The following FAM114A1 variants were observed in gnomAD, a reference collection of about 807,000 sequenced individuals.
FAM114A1 encodes family with sequence similarity 114 member A1.
FAM114A1 carries 62 observed loss-of-function variants against 64.3 expected under a neutral mutation model. The ratio of observed to expected loss-of-function variants is 0.96; its 90% confidence interval spans 0.79 to 1.19. FAM114A1 has a LOEUF of 1.19. FAM114A1 is among the 50% of genes most tolerant of loss of function. The pLI is 0.00. For synonymous variants in FAM114A1, 254 were observed against 251.1 expected (o/e 1.01, Z -0.11); for missense variants, 645 against 676.3 (o/e 0.95, Z 0.51).
chr4:38,932,875 GAC>G (rs1720774772), intron 12 of FAM114A1, among the ~76,000 whole-genome samples: 1 of 138,730 alleles, frequency 7.2e-6, no homozygotes, highest in East Asian at 2.1e-4. Flanking sequence ...TTTTTTTTGA[GAC>G]AGAGTCTCGC....
intron 14 of FAM114A1, among the ~76,000 whole-genome samples, chr4:38,942,995 C>G (rs1236106913): frequency 6.6e-6 from 1 of 152,066 alleles, no homozygotes; most frequent in East Asian, 1.9e-4. Flanking sequence ...AGATCAAGAC[C>G]ATCCTGGCCA....
chr4:38,914,844 A>T (rs4563504), intron 7 of FAM114A1, 77 bp from the exon 8 acceptor site: 1 of 1,500,456 alleles, frequency 6.7e-7, no homozygotes, highest in Admixed American at 2.1e-5. Flanking sequence ...CAGTCCTCCC[A>T]ACCTCCCCCA....
intron 6 of FAM114A1, 72 bp downstream of exon 6, chr4:38,905,933 G>A: frequency 7.4e-7 from 1 of 1,353,292 alleles, no homozygotes; most frequent in Non-Finnish European, 1.0e-6. Context: ...CCATTTACCA[G>A]TGACCTAGAT....
In FAM114A1 at chr4:38,922,809, G is replaced by T. The variant is rs367852842; in HGVS notation, c.985G>T (p.Glu329Ter). ...FLASLDGEKL[E>*]LLKNDLISIK... ...AGCATCACTTGATGGAGAGAAGCTG[G>T]AACTCTTAAAAAATGACCTAATTTC... Residue 329 changes from glutamate to a stop codon, truncating the protein, a stop_gained, in exon 9 of 15, where the codon GAA (glutamate) becomes TAA (stop). Transcript: ENST00000358869. LOFTEE classifies it high-confidence loss of function. 30 of 1,613,316 alleles carry T rather than the reference G, an allele frequency of 1.9e-5. No individual in the cohort carries two copies. Among genetic ancestry groups the T allele is most frequent in the Non-Finnish European group, 2.1e-5 (25 of 1,179,782 alleles).
chr4:38,902,716 A>G (rs1717629110), intron 4 of FAM114A1, among the ~76,000 whole-genome samples: 1 of 152,174 alleles, frequency 6.6e-6, no homozygotes, highest in Non-Finnish European at 1.5e-5. Flanking sequence ...TTTTGGGGAT[A>G]CTTGGGGTTT....
chr4:38,878,977 C>T (rs112379254), intron 3 of FAM114A1, among the ~76,000 whole-genome samples: 345 of 152,328 alleles, frequency 2.3e-3, no homozygotes, highest in African/African-American at 7.7e-3. Flanking sequence ...CACACATCAC[C>T]TTCCAGGGGA....
At chr4:38,902,316 G>A (rs1717592950) in intron 4 of FAM114A1, among the ~76,000 whole-genome samples, 1 of 152,158 alleles carries the variant, frequency 6.6e-6, no homozygotes, top group Non-Finnish European at 1.5e-5. Flanking sequence ...CATAGTAAGT[G>A]CTCAATAAAT....
At chr4:38,916,866 G>A (rs1719096806) in intron 8 of FAM114A1, among the ~76,000 whole-genome samples, 1 of 152,078 alleles carries the variant, frequency 6.6e-6, no homozygotes, top group Non-Finnish European at 1.5e-5. Flanking sequence ...CATAGGGGAG[G>A]TTGTCCTCCC....
At chr4:38,879,874 G>A (rs747402368) in intron 3 of FAM114A1, among the ~76,000 whole-genome samples, 1 of 151,958 alleles carries the variant, frequency 6.6e-6, no homozygotes, top group Non-Finnish European at 1.5e-5. Context: ...ATGTATTGAA[G>A]CCTGGGCAAT....
chr4:38,908,400 A>T (rs931628490), intron 6 of FAM114A1, among the ~76,000 whole-genome samples, 192 bp from the exon 7 acceptor site: 1 of 152,212 alleles, frequency 6.6e-6, no homozygotes, highest in Non-Finnish European at 1.5e-5. Flanking sequence ...ATGTCCTACA[A>T]ATTATATAAC....
chr4:38,911,809 CTCTT>C (rs1277874343), intron 7 of FAM114A1, among the ~76,000 whole-genome samples: 6 of 149,166 alleles, frequency 4.0e-5, no homozygotes, highest in Admixed American at 3.3e-4. Context: ...ACAGGGAATA[CTCTT>C]TCTTTTTCTT....
At chr4:38,926,838 C>A (rs1720153098) in intron 9 of FAM114A1, among the ~76,000 whole-genome samples, 1 of 152,206 alleles carries the variant, frequency 6.6e-6, no homozygotes, top group Non-Finnish European at 1.5e-5. Flanking sequence ...TTAATGCATT[C>A]TCTTTCTTGA....
At chr4:38,903,450 G>A (rs1290830512) in intron 4 of FAM114A1, among the ~76,000 whole-genome samples, 1 of 152,132 alleles carries the variant, frequency 6.6e-6, no homozygotes, top group African/African-American at 2.4e-5. Flanking sequence ...CAGAGAAGAT[G>A]GTGCCTCCCA....
intron 9 of FAM114A1, 102 bp from the exon 10 acceptor site, chr4:38,929,140 C>G (rs1720408931): frequency 2.3e-6 from 2 of 885,390 alleles, no homozygotes; most frequent in Non-Finnish European, 3.7e-6. Context: ...GCTACAACCT[C>G]CACTTAGTCT....
intron 1 of FAM114A1, 137 bp from the exon 2 acceptor site, chr4:38,868,261 C>T (rs1227006955): frequency 6.3e-6 from 1 of 157,670 alleles, no homozygotes. Context: ...GCTGCAGGGT[C>T]CCCCAGCCCG....
chr4:38,942,930 C>A (rs1337376374), intron 14 of FAM114A1, among the ~76,000 whole-genome samples: 1 of 152,116 alleles, frequency 6.6e-6, no homozygotes, highest in Non-Finnish European at 1.5e-5. Flanking sequence ...AGAAGTGGCT[C>A]ATGCCTGTAA....
At chr4:38,875,545 G>A (rs550708158) in intron 2 of FAM114A1, among the ~76,000 whole-genome samples, 1 of 152,332 alleles carries the variant, frequency 6.6e-6, no homozygotes, top group South Asian at 2.1e-4. Context: ...TGCTGAAGTT[G>A]TTTATCAGAT....
intron 2 of FAM114A1, among the ~76,000 whole-genome samples, chr4:38,871,582 G>T (rs1293163055): frequency 6.6e-6 from 1 of 152,172 alleles, no homozygotes; most frequent in East Asian, 1.9e-4. Flanking sequence ...ATTTCTGAAG[G>T]GATGGTTTGT....
intron 4 of FAM114A1, among the ~76,000 whole-genome samples, chr4:38,897,947 A>C (rs986710534): frequency 2.0e-5 from 3 of 146,928 alleles, no homozygotes; most frequent in Non-Finnish European, 1.5e-5. Flanking sequence ...CTCTGTTTCA[A>C]AAAAAAAAAA....
Sources: allele counts gnomAD v4.1 joint callset (sites outside exome capture counted in the v4.1 genomes callset), GRCh38; gene constraint gnomAD v4.1.1; transcripts MANE v1.5; gene names NCBI Gene and HGNC (gene_info 2026-07-23, HGNC 2026-07-21).